Variants in IL10RB observed in about 807,000 individuals in gnomAD.
The protein encoded by IL10RB is interleukin-10 receptor subunit beta.
IL10RB carries 30 observed loss-of-function variants against 38.7 expected under a neutral mutation model. The observed-to-expected ratio is 0.78, with a 90% CI of 0.58 to 1.05. The LOEUF (loss-of-function observed/expected upper bound fraction) is 1.05, where lower values mean the gene tolerates loss of function less well. Among genes scored for constraint, IL10RB ranks in the 50% least tolerant of loss-of-function variants. The pLI is 0.00. For missense variants in IL10RB, 328 were observed against 397.1 expected, an observed-to-expected ratio of 0.83 and a Z score of 1.48; for synonymous variants, 142 against 145.9, an observed-to-expected ratio of 0.97 and a Z score of 0.19.
chr21:33,310,084 G>A (rs1292433266), exon 2 of IL10RB: 1 of 152,202 alleles, frequency 6.6e-6, no homozygotes, highest in Non-Finnish European at 1.5e-5. Flanking sequence ...CTGTGAGCAG[G>A]AAGGGAGGCC....
chr21:33,276,953 A>G (rs141734543), intron 3 of IL10RB, among the ~76,000 whole-genome samples, 200 bp downstream of exon 3: 46 of 152,330 alleles, frequency 3.0e-4, no homozygotes, highest in African/African-American at 1.1e-3. Context: ...CATATCATCA[A>G]TGCAACAATT....
intron 3 of IL10RB, among the ~76,000 whole-genome samples, chr21:33,278,449 G>A (rs1013898546): frequency 7.9e-5 from 12 of 152,196 alleles, no homozygotes; most frequent in African/African-American, 2.7e-4. Context: ...ACAAAGGAAA[G>A]ATGAACAGAA....
At chr21:33,292,023 C>T (rs1033386932) in intron 6 of IL10RB, among the ~76,000 whole-genome samples, 2 of 152,176 alleles carry the variant, frequency 1.3e-5, no homozygotes, top group African/African-American at 4.8e-5. Context: ...TCATGTCTCC[C>T]TGGCTGTCTG....
chr21:33,280,859 CA>C (rs577161121), intron 4 of IL10RB, among the ~76,000 whole-genome samples: 1 of 152,216 alleles, frequency 6.6e-6, no homozygotes, highest in Admixed American at 6.5e-5. Context: ...CTGCATAGCC[CA>C]AAAAATCTCA....
At chr21:33,292,620 G>C (rs1051356903) in intron 6 of IL10RB, among the ~76,000 whole-genome samples, 1 of 152,092 alleles carries the variant, frequency 6.6e-6, no homozygotes, top group African/African-American at 2.4e-5. Context: ...TGTCTCTGCC[G>C]GGACCCCATA....
chr21:33,291,410 T>C (rs2855254), intron 6 of IL10RB, among the ~76,000 whole-genome samples: 64,203 of 151,622 alleles, frequency 0.42, 14,130 homozygotes, highest in Non-Finnish European at 0.49. Flanking sequence ...GGATTACAGG[T>C]GCCCTCCACC....
intron 2 of IL10RB, among the ~76,000 whole-genome samples, chr21:33,271,691 G>A (rs1230808054): frequency 6.6e-6 from 1 of 150,744 alleles, no homozygotes; most frequent in Non-Finnish European, 1.5e-5. Context: ...TTGCACCATT[G>A]CACTCCAGCC....
chr21:33,273,435 G>A (rs894913406), intron 2 of IL10RB, among the ~76,000 whole-genome samples: 2 of 152,236 alleles, frequency 1.3e-5, no homozygotes, highest in South Asian at 2.1e-4. Flanking sequence ...ATTTACTTGC[G>A]GAAAAATGGT....
chr21:33,293,835 T>C (rs1486092203), intron 6 of IL10RB, among the ~76,000 whole-genome samples: 1 of 149,884 alleles, frequency 6.7e-6, no homozygotes, highest in East Asian at 1.9e-4. Flanking sequence ...CCAAGGAGAC[T>C]GCAGCACCAG....
chr21:33,295,353 G>T (rs761364515), intron 6 of IL10RB, among the ~76,000 whole-genome samples: 17 of 107,574 alleles, frequency 1.6e-4, no homozygotes, highest in Non-Finnish European at 2.2e-4. Context: ...GCAAGACTCC[G>T]TCTGAAAAAA....
intron 6 of IL10RB, among the ~76,000 whole-genome samples, chr21:33,291,042 C>T (rs1312053846): frequency 6.6e-6 from 1 of 152,136 alleles, no homozygotes; most frequent in Non-Finnish European, 1.5e-5. Context: ...CTTTGGCGTT[C>T]CTTGGCTTCT....
At chr21:33,283,264 G>A (rs201327188) in intron 5 of IL10RB, 23 bp downstream of exon 5, 160 of 1,611,736 alleles carry the variant, frequency 9.9e-5, no homozygotes, top group East Asian at 4.9e-4. Flanking sequence ...ATGCACCTCC[G>A]CTAAGCATCC....
chr21:33,270,369 T>G (rs1224302631), intron 2 of IL10RB, among the ~76,000 whole-genome samples: 1 of 150,626 alleles, frequency 6.6e-6, no homozygotes, highest in Non-Finnish European at 1.5e-5. Context: ...CTTTTGGGTT[T>G]GTTTGTTTGT....
chr21:33,295,324 C>T (rs2082960068), intron 6 of IL10RB, among the ~76,000 whole-genome samples: 1 of 141,884 alleles, frequency 7.0e-6, no homozygotes, highest in African/African-American at 2.7e-5. Flanking sequence ...CACCACTGCA[C>T]TCCAGCCTGG....
At chr21:33,285,628 G>A (rs1989358652) in intron 5 of IL10RB, among the ~76,000 whole-genome samples, 1 of 152,188 alleles carries the variant, frequency 6.6e-6, no homozygotes, top group Non-Finnish European at 1.5e-5. Flanking sequence ...AGATGCCCCA[G>A]TTTGAGACAC....
chr21:33,277,587 C>G (rs189064554), intron 3 of IL10RB, among the ~76,000 whole-genome samples: 1 of 151,422 alleles, frequency 6.6e-6, no homozygotes, highest in East Asian at 2.0e-4. Flanking sequence ...TGGTGGCTCA[C>G]GTCTATGATC....
chr21:33,296,489 C>A lies in IL10RB; in HGVS notation c.*132C>A, dbSNP rs1274262628. 6.8e-6 allele frequency: 6 copies of A among 888,192 alleles called. No individual in the cohort carries two copies. The Admixed American group carries it at 1.2e-4, about 18-fold the overall frequency. 55.0% of individuals were successfully genotyped at this position (888,192 alleles called of 1,614,324 possible). A position where few individuals can be genotyped will look rare whatever the true frequency, so the allele number is the denominator to read the frequency against. The stretch of plus-strand genomic sequence containing the variant: ...AGCCCCACATCTAGAACTCCCAGAC[C>A]CTGGACTTAGCCACCAGAGAGCTAC... On this transcript the variant is annotated 3_prime_UTR_variant, in exon 7 of 7. Transcript: ENST00000290200.
Position 33,296,922 on chromosome 21 carries a change from C to T in IL10RB, c.*565C>T, listed in dbSNP as rs1307216233. 1 of 154,964 alleles carries T rather than the reference C, an allele frequency of 6.5e-6. No homozygotes were observed. Among genetic ancestry groups the T allele is most frequent in the Non-Finnish European group, 1.4e-5 (1 of 71,330 alleles). 9.6% of individuals were successfully genotyped at this position (154,964 alleles called of 1,614,324 possible). ...TGAGCCGAGATAGCGGCACTGCACT[C>T]CAGCCTGGGTGACAAAGTGAGACTC... On this transcript the variant is annotated 3_prime_UTR_variant, in exon 7 of 7. Transcript: ENST00000290200.
Position 33,294,938 on chromosome 21 carries a change from A to G in IL10RB, c.805-1246A>G, listed in dbSNP as rs138786324. ...TTATTAGACTGTGGTCCCTGCCCTTAAGGAGCCCTGGCTACAGGTGACACA... is the reference window on the plus strand; with the variant it reads ...TTATTAGACTGTGGTCCCTGCCCTTGAGGAGCCCTGGCTACAGGTGACACA... On this transcript the variant is annotated intron_variant, in intron 6 of 6. Transcript: ENST00000290200. Among the ~76,000 whole-genome samples, 996 of 152,350 alleles carry G rather than the reference A, an allele frequency of 6.5e-3. 9 individuals are homozygous for G. The highest frequency in any genetic ancestry group is 0.018 in the African/African-American group (760 of 41,564).
Sources: gnomAD v4.1 joint callset for allele counts (sites outside exome capture counted in the v4.1 genomes callset) on GRCh38, gnomAD v4.1.1 for gene constraint, MANE v1.5 for transcripts, NCBI Gene and HGNC (gene_info 2026-07-23, HGNC 2026-07-21) for gene names.